The following ADAMTSL3 variants were observed in gnomAD, a reference collection of about 807,000 sequenced individuals.
ADAMTSL3 encodes ADAMTS-like protein 3.
ADAMTSL3 carries 128 observed loss-of-function variants against 201.7 expected under a neutral mutation model. The observed-to-expected ratio is 0.63, with a 90% confidence interval of 0.55 to 0.73. The LOEUF is 0.73. ADAMTSL3 is among the 30% of genes least tolerant of loss of function. The pLI is 0.00. For missense variants in ADAMTSL3, 1,990 were observed against 2,119.6 expected, an observed-to-expected ratio of 0.94 and a Z score of 1.20; for synonymous variants, 738 against 748.4, an observed-to-expected ratio of 0.99 and a Z score of 0.23.
At chr15:83,992,147 G>T (rs1485292897) in intron 23 of ADAMTSL3, among the ~76,000 whole-genome samples, 16 of 152,140 alleles carry the variant, frequency 1.1e-4, no homozygotes, top group Non-Finnish European at 2.4e-4. Flanking sequence ...ATTGCCTAGG[G>T]TGACAGAGGA....
At chr15:84,001,532 C>T (rs932704555) in intron 23 of ADAMTSL3, among the ~76,000 whole-genome samples, 11 of 152,172 alleles carry the variant, frequency 7.2e-5, no homozygotes, top group African/African-American at 2.7e-4. Flanking sequence ...TAAACCCAAT[C>T]CTGTGTGACT....
chr15:83,738,768 C>G (rs1262823539), intron 3 of ADAMTSL3, among the ~76,000 whole-genome samples: 2 of 151,678 alleles, frequency 1.3e-5, no homozygotes, highest in Non-Finnish European at 2.9e-5. Context: ...TGGTGGCAGG[C>G]ACTTGTAATC....
intron 7 of ADAMTSL3, among the ~76,000 whole-genome samples, chr15:83,843,788 C>T (rs948524963): frequency 5.3e-5 from 8 of 152,110 alleles, no homozygotes; most frequent in African/African-American, 7.2e-5. Flanking sequence ...ATTTCCATCA[C>T]GCAGTGAGGC....
chr15:83,706,747 G>A (rs188787604), intron 3 of ADAMTSL3, among the ~76,000 whole-genome samples: 2 of 151,878 alleles, frequency 1.3e-5, no homozygotes, highest in East Asian at 3.9e-4. Flanking sequence ...CCACACTTAG[G>A]TGATCCTCCT....
intron 22 of ADAMTSL3, 134 bp from the exon 23 acceptor site, chr15:83,990,952 C>A: frequency 7.7e-7 from 1 of 1,306,538 alleles, no homozygotes; most frequent in Non-Finnish European, 1.1e-6. Context: ...CACGGTGCAC[C>A]TTGAGGGATA....
intron 3 of ADAMTSL3, among the ~76,000 whole-genome samples, chr15:83,707,175 A>G (rs1941070463): frequency 6.6e-6 from 1 of 152,188 alleles, no homozygotes; most frequent in Admixed American, 6.5e-5. Context: ...TTGCTGTTTT[A>G]CTTTGGACAA....
intron 4 of ADAMTSL3, among the ~76,000 whole-genome samples, chr15:83,804,404 A>T (rs993273439): frequency 6.6e-6 from 1 of 152,180 alleles, no homozygotes; most frequent in Non-Finnish European, 1.5e-5. Context: ...TAAGAATTGC[A>T]TGTGAGTACT....
chr15:83,744,106 T>A (rs2062503964), intron 3 of ADAMTSL3, among the ~76,000 whole-genome samples: 1 of 152,166 alleles, frequency 6.6e-6, no homozygotes, highest in South Asian at 2.1e-4. Context: ...TGCCTCGGCC[T>A]CTCAAAGTGC....
intron 3 of ADAMTSL3, among the ~76,000 whole-genome samples, chr15:83,710,384 C>T (rs891414466): frequency 2.6e-4 from 40 of 152,160 alleles, no homozygotes; most frequent in African/African-American, 9.2e-4. Context: ...TTTTCAAATT[C>T]TTACTGTCTC....
intron 3 of ADAMTSL3, among the ~76,000 whole-genome samples, chr15:83,751,495 G>A (rs376938342): frequency 1.3e-5 from 2 of 152,134 alleles, no homozygotes; most frequent in South Asian, 2.1e-4. Context: ...TAAGTCAAGC[G>A]TAAGAGGTGC....
intron 2 of ADAMTSL3, among the ~76,000 whole-genome samples, chr15:83,680,335 ATGGT>A (rs2061460846): frequency 6.6e-6 from 1 of 151,740 alleles, no homozygotes; most frequent in Admixed American, 6.6e-5. Context: ...TCTTCTTATG[ATGGT>A]TTGTGTGATT....
intron 26 of ADAMTSL3, among the ~76,000 whole-genome samples, chr15:84,025,030 A>G (rs925149496): frequency 1.3e-5 from 2 of 152,164 alleles, no homozygotes; most frequent in Non-Finnish European, 2.9e-5. Context: ...TAAAGTAGTC[A>G]TCTCTACATG....
At chr15:83,856,427 T>G (rs1429241140) in intron 7 of ADAMTSL3, among the ~76,000 whole-genome samples, 2 of 152,148 alleles carry the variant, frequency 1.3e-5, no homozygotes, top group Non-Finnish European at 2.9e-5. Context: ...TCCTCTTGCC[T>G]TGGCCTCCCA....
intron 16 of ADAMTSL3, among the ~76,000 whole-genome samples, chr15:83,914,652 C>T (rs1295641008): frequency 6.6e-6 from 1 of 152,144 alleles, no homozygotes; most frequent in African/African-American, 2.4e-5. Flanking sequence ...AAGTCCATGC[C>T]ATCTAGCTAG....
intron 5 of ADAMTSL3, among the ~76,000 whole-genome samples, chr15:83,817,646 A>C (rs2063790394): frequency 6.6e-6 from 1 of 152,248 alleles, no homozygotes; most frequent in Non-Finnish European, 1.5e-5. Flanking sequence ...CATCTGCTGA[A>C]AATAATAAAA....
Position 84,025,861 on chromosome 15 carries a change from A to G in ADAMTSL3, c.4656+425A>G, listed in dbSNP as rs180872456. ...TGTAGGAACCCATAAATAAAAATAT[A>G]ACACATTATTGAAACACATAAAAGT... On this transcript the variant is annotated intron_variant, in intron 27 of 29. Coordinates refer to ENST00000286744, the MANE Select transcript of ADAMTSL3 (RefSeq NM_207517.3). Among the ~76,000 whole-genome samples, 160 of 152,346 alleles carry G rather than the reference A, an allele frequency of 1.1e-3. 1 individual carries two copies. The highest frequency in any genetic ancestry group is 3.4e-3 in the Middle Eastern group (1 of 294).
intron 13 of ADAMTSL3, among the ~76,000 whole-genome samples, chr15:83,895,089 T>G (rs2065585432): frequency 6.6e-6 from 1 of 152,216 alleles, no homozygotes; most frequent in Admixed American, 6.5e-5. Flanking sequence ...CATAAATCAA[T>G]AGACCGGGAT....
chr15:83,798,582 C>T (rs1273950078), intron 4 of ADAMTSL3, among the ~76,000 whole-genome samples: 2 of 151,964 alleles, frequency 1.3e-5, no homozygotes, highest in Non-Finnish European at 2.9e-5. Context: ...CCGAGGCGGG[C>T]GGATCACGAG....
At chr15:83,676,272 A>C (rs2061403964) in intron 2 of ADAMTSL3, among the ~76,000 whole-genome samples, 1 of 151,868 alleles carries the variant, frequency 6.6e-6, no homozygotes, top group Non-Finnish European at 1.5e-5. Context: ...CATACCACAA[A>C]ATTTGATATG....
Sources: gnomAD v4.1 joint callset for allele counts (sites outside exome capture counted in the v4.1 genomes callset) on GRCh38, gnomAD v4.1.1 for gene constraint, MANE v1.5 for transcripts, NCBI Gene and HGNC (gene_info 2026-07-23, HGNC 2026-07-21) for gene names.